Variants in ANO1 observed in about 807,000 individuals in gnomAD.
ANO1 encodes anoctamin 1, also known as anoctamin-1.
ANO1 carries 59 observed loss-of-function variants against 124.0 expected under a neutral mutation model. That is an observed-to-expected ratio of 0.48 (90% confidence interval 0.39 to 0.59). ANO1 has a LOEUF of 0.59. Among genes scored for constraint, ANO1 ranks in the 20% least tolerant of loss-of-function variants. The pLI is 0.00. For missense variants in ANO1, 1,059 were observed against 1,328.0 expected, an observed-to-expected ratio of 0.80 and a Z score of 3.15; for synonymous variants, 529 against 532.0, an observed-to-expected ratio of 0.99 and a Z score of 0.08.
At chr11:70,108,127 G>A (rs952860276) in intron 5 of ANO1, 29 of 483,186 alleles carry the variant, frequency 6.0e-5, no homozygotes, top group African/African-American at 5.3e-4. Context: ...GGGAACTGCA[G>A]GTGCACCTGT....
At chr11:70,142,297 C>A (rs752515530) in intron 11 of ANO1, among the ~76,000 whole-genome samples, 1 of 152,204 alleles carries the variant, frequency 6.6e-6, no homozygotes, top group Non-Finnish European at 1.5e-5. Flanking sequence ...TGGAACCCCT[C>A]CCAGGGGCTG....
intron 1 of ANO1, among the ~76,000 whole-genome samples, chr11:70,034,858 G>A (rs1857066890): frequency 6.6e-6 from 1 of 152,134 alleles, no homozygotes; most frequent in Non-Finnish European, 1.5e-5. Flanking sequence ...GGCAGCCAGA[G>A]GCAGGAAAGC....
the ANO1 span, among the ~76,000 whole-genome samples, chr11:69,976,577 C>A: frequency 2.3e-5 from 3 of 131,760 alleles, no homozygotes; most frequent in Admixed American, 7.9e-5. Context: ...GAGATTAGGA[C>A]ACACACACAG....
At chr11:70,160,869 G>A (rs1319463388) in intron 16 of ANO1, among the ~76,000 whole-genome samples, 8 of 152,238 alleles carry the variant, frequency 5.3e-5, no homozygotes, top group African/African-American at 1.7e-4. Context: ...TGGGCAGACC[G>A]CCTGGTAAAT....
chr11:70,066,310 A>G (rs1369156440), intron 1 of ANO1, among the ~76,000 whole-genome samples: 9 of 152,116 alleles, frequency 5.9e-5, no homozygotes, highest in African/African-American at 2.2e-4. Flanking sequence ...CTGAGCTTGC[A>G]TTCCCAAGGG....
intron 1 of ANO1, among the ~76,000 whole-genome samples, chr11:70,059,334 G>C (rs2135104834): frequency 7.5e-6 from 1 of 132,838 alleles, no homozygotes; most frequent in African/African-American, 2.8e-5. Flanking sequence ...CTGGGCGACA[G>C]AGCGAGACAC....
At chr11:70,052,212 C>T (rs1412852491) in intron 1 of ANO1, among the ~76,000 whole-genome samples, 2 of 152,244 alleles carry the variant, frequency 1.3e-5, no homozygotes, top group Non-Finnish European at 2.9e-5. Context: ...ACAGCAGCAC[C>T]TTTGCAGTAA....
chr11:70,123,100 G>A (rs1403989087), intron 8 of ANO1, among the ~76,000 whole-genome samples: 1 of 152,142 alleles, frequency 6.6e-6, no homozygotes. Flanking sequence ...GCATCCTTCA[G>A]TGTAAAGGAG....
At chr11:70,026,801 CT>C (rs1856915820) in intron 1 of ANO1, among the ~76,000 whole-genome samples, 1 of 152,180 alleles carries the variant, frequency 6.6e-6, no homozygotes, top group Non-Finnish European at 1.5e-5. Flanking sequence ...TCCAAAGGCC[CT>C]GCCTGGTCTG....
At chr11:70,145,569 C>T (rs949562967) in intron 11 of ANO1, among the ~76,000 whole-genome samples, 18 of 152,134 alleles carry the variant, frequency 1.2e-4, no homozygotes, top group Non-Finnish European at 1.9e-4. Flanking sequence ...TGGGTCCTGG[C>T]CAATCTACAG....
At chr11:70,053,696 G>A (rs1320300603) in intron 1 of ANO1, among the ~76,000 whole-genome samples, 1 of 152,076 alleles carries the variant, frequency 6.6e-6, no homozygotes, top group African/African-American at 2.4e-5. Context: ...TCCTTTTCAG[G>A]TTCAAATTCA....
At chr11:69,988,533 A>G (rs1480117359) in intron 1 of ANO1, among the ~76,000 whole-genome samples, 1 of 152,144 alleles carries the variant, frequency 6.6e-6, no homozygotes, top group Non-Finnish European at 1.5e-5. Context: ...CTTCATCCAT[A>G]TGACCCAGGT....
intron 2 of ANO1, among the ~76,000 whole-genome samples, chr11:70,101,583 A>G (rs11234163): frequency 1.5e-4 from 16 of 106,488 alleles, no homozygotes; most frequent in African/African-American, 5.8e-4. Flanking sequence ...ATGATTAAAA[A>G]CCAAAAAAAA....
rs759906575 is a variant in ANO1 at position 70,108,384 on chromosome 11, C to A, written c.779C>A (p.Thr260Lys). The A allele has an allele frequency of 4.3e-6, 7 of 1,612,614 alleles. No individual in the cohort carries two copies. The highest frequency in any genetic ancestry group is 5.9e-6 in the Non-Finnish European group (7 of 1,178,996). ...VYEILKRTTC[T>K]KAKYSMGITS... Reference sequence around the variant, plus strand: ...GAGATCTTGAAGAGAACGACGTGTACAAAGGCCAAGTACAGCATGGGTAAG... The same window carrying A: ...GAGATCTTGAAGAGAACGACGTGTAAAAAGGCCAAGTACAGCATGGGTAAG... The change falls in exon 6 of 26, where the codon ACA (threonine) becomes AAA (lysine). Residue 260 changes from threonine to lysine, a missense_variant. Physicochemically the swap from Thr to Lys is moderately conservative, Grantham distance 78 (BLOSUM62 -1). Around this residue, in one of 2 missense-constraint regions of ANO1, gnomAD observed 809 missense variants for 1,094.9 expected, o/e 0.74. Coordinates refer to ENST00000355303, the MANE Select transcript of ANO1 (RefSeq NM_018043.7).
At chr11:70,124,519 G>A in intron 9 of ANO1, 105 bp downstream of exon 9, 9 of 1,231,820 alleles carry the variant, frequency 7.3e-6, no homozygotes, top group Non-Finnish European at 1.1e-5. Flanking sequence ...ACCCGGGAAC[G>A]TGTTTGAACT....
At chr11:69,997,055 C>A (rs1255023608) in intron 1 of ANO1, among the ~76,000 whole-genome samples, 1 of 57,036 alleles carries the variant, frequency 1.8e-5, no homozygotes, top group Non-Finnish European at 4.4e-5. Flanking sequence ...TCTGAGGAGT[C>A]TGCTCCCTGG....
intron 1 of ANO1, among the ~76,000 whole-genome samples, chr11:70,007,253 T>C (rs1400902770): frequency 2.7e-5 from 4 of 148,198 alleles, no homozygotes; most frequent in African/African-American, 1.0e-4. Flanking sequence ...TGGTAGCATA[T>C]TGCAGAACCT....
chr11:70,164,005 G>A (rs376666337), intron 19 of ANO1, among the ~76,000 whole-genome samples: 7 of 147,396 alleles, frequency 4.7e-5, no homozygotes, highest in African/African-American at 1.8e-4. Context: ...TTTTTTACTC[G>A]ACATTGAAAT....
intron 11 of ANO1, among the ~76,000 whole-genome samples, chr11:70,143,969 T>A (rs1038252726): frequency 1.3e-5 from 2 of 152,098 alleles, no homozygotes; most frequent in Admixed American, 6.6e-5. Context: ...CCTATCCCCA[T>A]GAAGCAGTCG....
Sources: gnomAD v4.1 joint callset for allele counts (sites outside exome capture counted in the v4.1 genomes callset) on GRCh38, gnomAD v4.1.1 for gene constraint, gnomAD v4.1.1 regional missense constraint, MANE v1.5 for transcripts, NCBI Gene and HGNC (gene_info 2026-07-23, HGNC 2026-07-21) for gene names.